The following DLC1 variants were observed in gnomAD, a reference collection of about 807,000 sequenced individuals.
DLC1 encodes rho GTPase-activating protein 7.
DLC1 carries 54 observed loss-of-function variants against 140.3 expected under a neutral mutation model. The observed-to-expected ratio is 0.38, with a 90% CI of 0.31 to 0.48. The LOEUF (loss-of-function observed/expected upper bound fraction) is 0.48. DLC1 is among the 20% of genes least tolerant of loss of function. The pLI, the probability that DLC1 is intolerant of heterozygous loss-of-function variation, is 0.96. For missense variants in DLC1, 2,536 were observed against 1,907.0 expected (o/e 1.33, Z -6.14); for synonymous variants, 986 against 728.1 (o/e 1.35, Z -5.70).
At chr8:13,246,838 T>C (rs1829785875) in intron 5 of DLC1, among the ~76,000 whole-genome samples, 1 of 152,274 alleles carries the variant, frequency 6.6e-6, no homozygotes, top group East Asian at 1.9e-4. Flanking sequence ...TAATATTTGT[T>C]GAATGAATAA....
In DLC1 at chr8:13,500,043, C is replaced by T; in HGVS notation, c.29G>A (p.Trp10Ter). 6.2e-7 allele frequency: 1 copy of T among 1,613,912 alleles called. No individual in the cohort carries two copies. The highest frequency in any genetic ancestry group is 1.1e-5 in the South Asian group (1 of 91,076). The stretch of plus-strand genomic sequence containing the variant: ...CATCCAGTGGGTCACATGTTCTTCC[C>T]AGCTTCTCTTTCTGATAGCTACAGA... Reference protein sequence around the residue: MSVAIRKRSWEEHVTHWMGQ... With the variant: MSVAIRKRS The change falls in exon 2 of 18, where the codon TGG becomes TAG. Residue 10 changes from tryptophan (W) to a stop codon, truncating the protein, a stop_gained. Transcript: ENST00000276297. LOFTEE classifies it high-confidence loss of function.
intron 5 of DLC1, among the ~76,000 whole-genome samples, chr8:13,167,953 A>G (rs986191785): frequency 6.6e-6 from 1 of 152,214 alleles, no homozygotes; most frequent in Non-Finnish European, 1.5e-5. Flanking sequence ...CCATTTATTA[A>G]TACTTAGTCC....
At chr8:13,183,291 A>T (rs1040223074) in intron 5 of DLC1, among the ~76,000 whole-genome samples, 9 of 152,130 alleles carry the variant, frequency 5.9e-5, no homozygotes, top group African/African-American at 2.2e-4. Flanking sequence ...TCATTCCCTA[A>T]TTGAATACCC....
intron 5 of DLC1, among the ~76,000 whole-genome samples, chr8:13,284,994 GT>G (rs1055807646): frequency 6.6e-6 from 1 of 152,006 alleles, no homozygotes; most frequent in African/African-American, 2.4e-5. Context: ...ATTCCAGCAG[GT>G]TTTTTTGTTT....
intron 5 of DLC1, among the ~76,000 whole-genome samples, chr8:13,170,725 A>G (rs914232958): frequency 3.1e-4 from 42 of 135,730 alleles, no homozygotes; most frequent in Admixed American, 1.2e-3. Flanking sequence ...GCAAGACTCC[A>G]TCTCAAAAAA....
chr8:13,415,255 G>C (rs1048172382), intron 2 of DLC1, among the ~76,000 whole-genome samples: 2 of 152,174 alleles, frequency 1.3e-5, no homozygotes, highest in South Asian at 4.1e-4. Flanking sequence ...CTATTTGCTA[G>C]TGATTTAAGT....
chr8:13,456,450 T>C (rs1408649210), intron 2 of DLC1, among the ~76,000 whole-genome samples: 2 of 140,946 alleles, frequency 1.4e-5, no homozygotes, highest in African/African-American at 6.0e-5. Context: ...TACTTCCTTT[T>C]TTATTTTTTT....
chr8:13,390,861 A>G lies in DLC1; in HGVS notation c.1314+2692T>C, dbSNP rs572316938. 2.0e-5 allele frequency among the ~76,000 whole-genome samples: 3 copies of G among 152,084 alleles called. No individual in the cohort carries two copies. The East Asian group carries it at 5.8e-4, about 30-fold the overall frequency. On this transcript the variant is annotated intron_variant, in intron 4 of 17. Coordinates refer to ENST00000276297, the MANE Select transcript of DLC1 (RefSeq NM_182643.3). ...AAATTAGCCAGGCGTGGTGGAGGGC[A>G]CCTGTAGTCCCAGCTACTCGGGAGG...
chr8:13,162,747 C>T (rs989770123), intron 5 of DLC1, among the ~76,000 whole-genome samples: 2 of 152,108 alleles, frequency 1.3e-5, no homozygotes, highest in East Asian at 1.9e-4. Context: ...GGAAACCAGC[C>T]TGGGCAGCAC....
At chr8:13,601,405 A>G (rs1275018754) in intron 1 of DLC1, among the ~76,000 whole-genome samples, 1 of 151,814 alleles carries the variant, frequency 6.6e-6, no homozygotes, top group African/African-American at 2.4e-5. Flanking sequence ...AGAACTTCTA[A>G]AGAAATGCCA....
intron 1 of DLC1, among the ~76,000 whole-genome samples, chr8:13,528,362 A>T (rs1425008136): frequency 2.0e-5 from 3 of 152,178 alleles, no homozygotes; most frequent in Admixed American, 6.6e-5. Flanking sequence ...AAAATTTAAC[A>T]TTTTGTAAAT....
intron 5 of DLC1, among the ~76,000 whole-genome samples, chr8:13,151,560 A>T (rs1823813180): frequency 6.6e-6 from 1 of 152,206 alleles, no homozygotes; most frequent in Non-Finnish European, 1.5e-5. Flanking sequence ...GAAAAAGAAA[A>T]AAGAATTTAG....
At chr8:13,415,950 C>T (rs1838036230) in intron 2 of DLC1, among the ~76,000 whole-genome samples, 1 of 152,146 alleles carries the variant, frequency 6.6e-6, no homozygotes, top group Admixed American at 6.6e-5. Context: ...AAGTTTCAAA[C>T]AACTATGCCA....
At chr8:13,296,207 C>T (rs758764400) in intron 5 of DLC1, among the ~76,000 whole-genome samples, 8 of 151,954 alleles carry the variant, frequency 5.3e-5, no homozygotes, top group African/African-American at 9.7e-5. Flanking sequence ...TCGCTCACCT[C>T]GGCCTCCCAA....
intron 3 of DLC1, among the ~76,000 whole-genome samples, chr8:13,398,936 A>C (rs1379292909): frequency 6.6e-6 from 1 of 152,180 alleles, no homozygotes; most frequent in Non-Finnish European, 1.5e-5. Flanking sequence ...AGAGGAAGGC[A>C]AGAGTGTTAA....
At chr8:13,511,821 T>G (rs1377332753) in intron 1 of DLC1, among the ~76,000 whole-genome samples, 1 of 152,152 alleles carries the variant, frequency 6.6e-6, no homozygotes, top group Non-Finnish European at 1.5e-5. Flanking sequence ...AGAGTGATTC[T>G]CATTTTATAA....
chr8:13,358,257 C>T (rs1835042445), intron 4 of DLC1, among the ~76,000 whole-genome samples: 1 of 152,116 alleles, frequency 6.6e-6, no homozygotes, highest in African/African-American at 2.4e-5. Context: ...CATAAAAATA[C>T]ACATACAAAA....
chr8:13,200,569 G>A (rs1827322317), intron 5 of DLC1, among the ~76,000 whole-genome samples: 1 of 151,986 alleles, frequency 6.6e-6, no homozygotes, highest in South Asian at 2.1e-4. Flanking sequence ...CACTGTCTAC[G>A]AGACTGATTA....
chr8:13,493,609 T>G (rs1241783226), intron 2 of DLC1, among the ~76,000 whole-genome samples: 1 of 152,232 alleles, frequency 6.6e-6, no homozygotes, highest in African/African-American at 2.4e-5. Flanking sequence ...TATGTATTAT[T>G]GTTAACTATA....
Sources: gnomAD v4.1 joint callset for allele counts (sites outside exome capture counted in the v4.1 genomes callset) on GRCh38, gnomAD v4.1.1 for gene constraint, MANE v1.5 for transcripts, NCBI Gene and HGNC (gene_info 2026-07-23, HGNC 2026-07-21) for gene names.